The following ANK3 variants were observed in gnomAD, a reference collection of about 807,000 sequenced individuals.
The protein encoded by ANK3 is ankyrin 3.
Under a neutral mutation model 370.9 loss-of-function variants are expected in ANK3, and 57 were observed. The observed-to-expected ratio is 0.15, with a 90% CI of 0.12 to 0.19. ANK3 has a LOEUF of 0.19. ANK3 is among the 10% of genes least tolerant of loss of function. The pLI, the probability that ANK3 is intolerant of heterozygous loss-of-function variation, is 1.00. For missense variants in ANK3, 4,439 were observed against 5,302.1 expected, an observed-to-expected ratio of 0.84 and a Z score of 5.06; for synonymous variants, 1,929 against 1,946.3, an observed-to-expected ratio of 0.99 and a Z score of 0.23.
chr10:60,431,641 C>T (rs910986816), intron 2 of ANK3, among the ~76,000 whole-genome samples: 8 of 152,024 alleles, frequency 5.3e-5, no homozygotes, highest in African/African-American at 1.9e-4. Context: ...ACACTGAGGC[C>T]TGTTAGCTGG....
chr10:60,676,486 T>A (rs1220218697), intron 1 of ANK3, among the ~76,000 whole-genome samples: 1 of 152,214 alleles, frequency 6.6e-6, no homozygotes, highest in African/African-American at 2.4e-5. Flanking sequence ...ATACCAGTAC[T>A]TTGTCATATT....
intron 1 of ANK3, among the ~76,000 whole-genome samples, chr10:60,367,941 T>C (rs112168715): frequency 6.6e-6 from 1 of 152,170 alleles, no homozygotes; most frequent in Non-Finnish European, 1.5e-5. Flanking sequence ...GTATTTCAGA[T>C]GGTGGGAGCC....
At chr10:60,102,317 T>C (rs1372430876) in intron 28 of ANK3, among the ~76,000 whole-genome samples, 4 of 152,020 alleles carry the variant, frequency 2.6e-5, no homozygotes, top group Non-Finnish European at 5.9e-5. Flanking sequence ...CAGTTGTGAC[T>C]ATGACTAAAC....
Position 60,088,143 on chromosome 10 carries a change from T to C in ANK3, c.3540+4A>G. 1 of 1,613,878 alleles carries C rather than the reference T, an allele frequency of 6.2e-7. No homozygotes were observed. Among genetic ancestry groups the C allele is most frequent in the East Asian group, 2.2e-5 (1 of 44,870 alleles). ...TGAGGGAAACAACTTTTTGTGAACA[T>C]TACCTGGAGGCCCACTCGAATTCTT... On this transcript the variant is annotated splice_donor_region_variant and intron_variant, in intron 29 of 43. Coordinates refer to ENST00000280772, the MANE Select transcript of ANK3 (RefSeq NM_020987.5).
intron 2 of ANK3, among the ~76,000 whole-genome samples, chr10:60,613,249 G>A (rs2078224653): frequency 6.6e-6 from 1 of 152,064 alleles, no homozygotes; most frequent in African/African-American, 2.4e-5. Context: ...TGGAAATATA[G>A]TAGGAATGGG....
intron 40 of ANK3, chr10:60,059,677 C>G: frequency 1.3e-6 from 2 of 1,586,336 alleles, no homozygotes; most frequent in Non-Finnish European, 1.7e-6. Flanking sequence ...GCCAAATTTC[C>G]AAGGTATTGA....
rs1471282302 is a variant in ANK3, at chr10:60,279,001, C to T, written c.315+49G>A. On this transcript the variant is annotated intron_variant, in intron 3 of 43. Coordinates refer to ENST00000280772, the MANE Select transcript of ANK3 (RefSeq NM_020987.5). ...CCATTCTTACTGAGGGCTGAATCCT[C>T]ACAGAACATGGCGAGTGGTTCAAAA... 1.9e-6 allele frequency: 3 copies of T among 1,592,524 alleles called. No homozygotes were observed. The East Asian group carries it at 6.7e-5, about 36-fold the overall frequency.
At chr10:60,338,559 T>C (rs907518631) in intron 1 of ANK3, among the ~76,000 whole-genome samples, 3 of 152,166 alleles carry the variant, frequency 2.0e-5, no homozygotes, top group Non-Finnish European at 4.4e-5. Context: ...ACGTGCATGG[T>C]ATGTCAACAT....
chr10:60,041,108 C>T (rs1446030716), intron 43 of ANK3, among the ~76,000 whole-genome samples: 1 of 152,108 alleles, frequency 6.6e-6, no homozygotes, highest in Non-Finnish European at 1.5e-5. Flanking sequence ...TTTAGCCATC[C>T]TCACTGCCAA....
intron 7 of ANK3, among the ~76,000 whole-genome samples, chr10:60,253,117 C>T (rs996810937): frequency 6.6e-6 from 1 of 152,204 alleles, no homozygotes; most frequent in African/African-American, 2.4e-5. Flanking sequence ...AGCATTCTGA[C>T]AGTGCGGTTT....
intron 2 of ANK3, among the ~76,000 whole-genome samples, chr10:60,396,920 G>C (rs1287600710): frequency 6.6e-6 from 1 of 152,150 alleles, no homozygotes; most frequent in Non-Finnish European, 1.5e-5. Flanking sequence ...ATTACAGTAA[G>C]GATGAAGTGA....
Position 60,055,725 on chromosome 10 carries a change from G to A in ANK3, c.12998C>T (p.Ser4333Phe), listed in dbSNP as rs768113947. 6 of 1,614,150 alleles carry A rather than the reference G, an allele frequency of 3.7e-6. No individual in the cohort carries two copies. The highest frequency in any genetic ancestry group is 2.2e-5 in the East Asian group (1 of 44,868). The change falls in exon 42 of 44, where the codon TCT (serine) becomes TTT (phenylalanine). Residue 4333 changes from serine (S) to phenylalanine (F), a missense_variant. This residue lies in a region of ANK3 where 242 missense variants were observed against 228.0 expected (regional missense o/e 1.06). Transcript: ENST00000280772. ...AAGCCTTGGCTTGCCATCTGCTGGA[G>A]AAGTCCTACTCATCTTTTTCATACT... ...PVSMKKMSRT[S>F]PADGKPRLSL...
chr10:60,075,547 G>A lies in ANK3; in HGVS notation c.5334C>T (p.Leu1778=). The A allele has an allele frequency of 6.2e-7, 1 of 1,614,030 alleles. No homozygotes were observed. The highest frequency in any genetic ancestry group is 8.5e-7 in the Non-Finnish European group (1 of 1,180,008). Residue 1778 remains leucine, a synonymous_variant, in exon 37 of 44, where the codon CTC becomes CTT. Coordinates refer to ENST00000280772, the MANE Select transcript of ANK3 (RefSeq NM_020987.5). Reference sequence around the variant, plus strand: ...ATGGTGCTGCAGAAACATATGACCTGAGTGGGGAAAATGGCATTGCAGTCG... The same window carrying A: ...ATGGTGCTGCAGAAACATATGACCTAAGTGGGGAAAATGGCATTGCAGTCG... ...STTTAMPFSP[L]RSYVSAAPSA...
In ANK3 at chr10:60,208,027, G is replaced by A. The variant is rs2096792383; in HGVS notation, c.1194+9C>T. On this transcript the variant is annotated intron_variant, in intron 10 of 43. Transcript: ENST00000280772. Reference sequence around the variant, plus strand: ...AACTGAGGCTGGACTCGCTGGTTGAGCCACTCACCAGGGCTTTGGCATTGG... The same window carrying A: ...AACTGAGGCTGGACTCGCTGGTTGAACCACTCACCAGGGCTTTGGCATTGG... The A allele has an allele frequency of 1.9e-6, 3 of 1,612,358 alleles. No individual in the cohort carries two copies. The highest frequency in any genetic ancestry group is 2.5e-6 in the Non-Finnish European group (3 of 1,179,186).
intron 1 of ANK3, among the ~76,000 whole-genome samples, chr10:60,341,555 A>G (rs1171694844): frequency 6.6e-6 from 1 of 152,154 alleles, no homozygotes; most frequent in Non-Finnish European, 1.5e-5. Flanking sequence ...CTCCAAAAGA[A>G]TTGTATTCAT....
intron 30 of ANK3, among the ~76,000 whole-genome samples, chr10:60,085,610 CTTTTTTT>C (rs10601268): frequency 1.8e-5 from 2 of 109,920 alleles, no homozygotes; most frequent in African/African-American, 3.6e-5. Flanking sequence ...GTCTCTTACT[CTTTTTTT>C]TTTTTTTTTT....
chr10:60,307,081 TAACATGTGAAA>T (rs1452726907), intron 1 of ANK3, among the ~76,000 whole-genome samples: 2 of 152,224 alleles, frequency 1.3e-5, no homozygotes, highest in African/African-American at 4.8e-5. Flanking sequence ...AAAAATATTC[TAACATGTGAAA>T]ATCATATGCC....
At chr10:60,183,615 T>G (rs972197589) in intron 17 of ANK3, among the ~76,000 whole-genome samples, 1 of 152,098 alleles carries the variant, frequency 6.6e-6, no homozygotes, top group African/African-American at 2.4e-5. Context: ...TCCCAGCACT[T>G]TGGGAGGCCA....
At chr10:60,224,742 A>C (rs1026710056) in intron 8 of ANK3, among the ~76,000 whole-genome samples, 1 of 152,110 alleles carries the variant, frequency 6.6e-6, no homozygotes, top group Non-Finnish European at 1.5e-5. Flanking sequence ...CTGCAGATAG[A>C]TCATGGCTGT....
Sources: allele counts gnomAD v4.1 joint callset (sites outside exome capture counted in the v4.1 genomes callset), GRCh38; gene constraint gnomAD v4.1.1; regional missense constraint gnomAD v4.1.1; transcripts MANE v1.5; gene names NCBI Gene and HGNC (gene_info 2026-07-23, HGNC 2026-07-21).